The following SYTL5 variants were observed in gnomAD, a reference collection of about 807,000 sequenced individuals.
SYTL5 encodes synaptotagmin-like protein 5.
A neutral mutation model predicts 55.9 loss-of-function variants in SYTL5; 34 were observed. The observed-to-expected ratio is 0.61, with a 90% CI of 0.46 to 0.81. The LOEUF (loss-of-function observed/expected upper bound fraction) is 0.81, where lower values mean the gene tolerates loss of function less well. SYTL5 is among the 30% of genes least tolerant of loss of function. The pLI is 0.00. For synonymous variants in SYTL5, 221 were observed against 188.7 expected (o/e 1.17, Z -1.40); for missense variants, 637 against 546.7 (o/e 1.17, Z -1.65).
chrX:37,915,360 C>G, the SYTL5 span, among the ~76,000 whole-genome samples: 1 of 111,758 alleles, frequency 8.9e-6, no homozygotes, highest in Non-Finnish European at 1.9e-5. Context: ...GCCCTGGAAC[C>G]TTTGATGAAG....
At chrX:37,995,059 T>A in the SYTL5 span, among the ~76,000 whole-genome samples, 1 of 109,923 alleles carries the variant, frequency 9.1e-6, no homozygotes, top group African/African-American at 3.3e-5. Flanking sequence ...CAGTTTCCAA[T>A]GGTGACAGTG....
chrX:38,079,175 T>TG (rs1055189838), intron 6 of SYTL5, among the ~76,000 whole-genome samples: 2 of 112,074 alleles, frequency 1.8e-5, no homozygotes, highest in African/African-American at 6.5e-5. Context: ...TTTGGTCTAT[T>TG]GCCTGACCCA....
At chrX:38,113,072 G>T (rs1937398557) in intron 13 of SYTL5, among the ~76,000 whole-genome samples, 2 of 112,046 alleles carry the variant, frequency 1.8e-5, no homozygotes, top group South Asian at 7.5e-4. Flanking sequence ...CTTTGTATGG[G>T]TTAGATCCTA....
At chrX:38,024,614 T>A (rs999509716) in intron 1 of SYTL5, among the ~76,000 whole-genome samples, 1 of 111,613 alleles carries the variant, frequency 9.0e-6, no homozygotes, top group Non-Finnish European at 1.9e-5. Flanking sequence ...TATTCTGAAT[T>A]ACTTACCAGT....
chrX:38,070,488 ATTGT>A (rs1351703045), intron 3 of SYTL5, among the ~76,000 whole-genome samples: 1 of 110,111 alleles, frequency 9.1e-6, no homozygotes, highest in African/African-American at 3.3e-5. Context: ...TATCCTCTTT[ATTGT>A]TTAACTTTCT....
rs1937705417 is a variant in SYTL5, at chrX:38,128,097, T to A, written c.*1367T>A. 8.9e-6 allele frequency: 1 copy of A among 112,200 alleles called. No individual in the cohort carries two copies. Among genetic ancestry groups the A allele is most frequent in the Non-Finnish European group, 1.9e-5 (1 of 53,257 alleles). 9.2% of individuals were successfully genotyped at this position (112,200 alleles called of 1,213,427 possible). A position where few individuals can be genotyped will look rare whatever the true frequency, so the allele number is the denominator to read the frequency against. On this transcript the variant is annotated 3_prime_UTR_variant, in exon 17 of 17. Transcript: ENST00000297875. ...CTACCATACCTTCTCTCACCTGGAA[T>A]TCCAGATGCTTGAGCTACGAAACTT...
chrX:38,016,935 C>G (rs1268912294), intron 1 of SYTL5, among the ~76,000 whole-genome samples: 1 of 112,151 alleles, frequency 8.9e-6, no homozygotes, highest in Non-Finnish European at 1.9e-5. Context: ...TCAAAATTCT[C>G]CAGGCTTCAG....
At chrX:38,077,274 G>A (rs933948964) in intron 6 of SYTL5, among the ~76,000 whole-genome samples, 6 of 111,166 alleles carry the variant, frequency 5.4e-5, no homozygotes, top group Non-Finnish European at 9.4e-5. Context: ...TATATCAGGC[G>A]TGATTTTCTG....
chrX:38,076,833 A>C (rs1166441673), intron 6 of SYTL5, 132 bp downstream of exon 6: 2 of 711,847 alleles, frequency 2.8e-6, no homozygotes, highest in Non-Finnish European at 4.2e-6. Context: ...GTGAAAATTC[A>C]GGAAGATATT....
chrX:38,019,621 GT>G (rs1226915276), intron 1 of SYTL5, among the ~76,000 whole-genome samples: 1 of 111,165 alleles, frequency 9.0e-6, no homozygotes, highest in Non-Finnish European at 1.9e-5. Context: ...TTCTTTTTTT[GT>G]TTTTTATTTG....
At chrX:38,048,299 G>A (rs1053191202) in intron 2 of SYTL5, among the ~76,000 whole-genome samples, 5 of 109,441 alleles carry the variant, frequency 4.6e-5, no homozygotes, top group Admixed American at 9.8e-5. Flanking sequence ...TTATCATTTT[G>A]GTCAAGGCCA....
At chrX:38,058,944 C>T (rs1444112741) in intron 3 of SYTL5, among the ~76,000 whole-genome samples, 5 of 111,067 alleles carry the variant, frequency 4.5e-5, no homozygotes, top group Non-Finnish European at 7.6e-5. Context: ...TAGTAATATT[C>T]AGCATCTTTT....
the SYTL5 span, among the ~76,000 whole-genome samples, chrX:37,890,701 C>A: frequency 4.5e-5 from 5 of 112,181 alleles, no homozygotes; most frequent in African/African-American, 1.6e-4. Context: ...GCGTAAAAAT[C>A]ATGCAAACAC....
intron 2 of SYTL5, among the ~76,000 whole-genome samples, chrX:38,052,706 T>C (rs1935657111): frequency 8.9e-6 from 1 of 112,420 alleles, no homozygotes; most frequent in East Asian, 2.8e-4. Flanking sequence ...CCTTTGTTCC[T>C]GCCTTTGGGA....
chrX:38,088,615 A>G (rs1397010882), intron 6 of SYTL5, among the ~76,000 whole-genome samples: 1 of 112,691 alleles, frequency 8.9e-6, no homozygotes, highest in East Asian at 2.8e-4. Context: ...ATTGAATTGA[A>G]TAGTTTTAGC....
the SYTL5 span, among the ~76,000 whole-genome samples, chrX:37,942,051 A>T: frequency 8.9e-6 from 1 of 112,098 alleles, no homozygotes; most frequent in Non-Finnish European, 1.9e-5. Context: ...ATTCAGAAAA[A>T]TTCTATTGTA....
chrX:37,974,369 A>G, the SYTL5 span, among the ~76,000 whole-genome samples: 2 of 112,255 alleles, frequency 1.8e-5, no homozygotes, highest in Admixed American at 1.9e-4. Flanking sequence ...ATATATATGA[A>G]ATATTCTCAG....
intron 13 of SYTL5, among the ~76,000 whole-genome samples, chrX:38,116,187 A>AT (rs1044059340): frequency 8.9e-6 from 1 of 111,776 alleles, no homozygotes; most frequent in African/African-American, 3.3e-5. Flanking sequence ...CTGTTTATTA[A>AT]AGAGACTGTC....
At chrX:38,105,472 G>A (rs1012416608) in intron 10 of SYTL5, among the ~76,000 whole-genome samples, 3 of 112,457 alleles carry the variant, frequency 2.7e-5, no homozygotes, top group Admixed American at 9.4e-5. Flanking sequence ...GAGCTTCCAG[G>A]TCATAGGTAG....
Sources: gnomAD v4.1 joint callset for allele counts (sites outside exome capture counted in the v4.1 genomes callset) on GRCh38, gnomAD v4.1.1 for gene constraint, MANE v1.5 for transcripts, NCBI Gene and HGNC (gene_info 2026-07-23, HGNC 2026-07-21) for gene names.